Variants in ARHGEF7 observed in about 807,000 individuals in gnomAD.
The protein encoded by ARHGEF7 is PAK-interacting exchange factor beta.
A neutral mutation model predicts 109.8 loss-of-function variants in ARHGEF7; 33 were observed. The ratio of observed to expected loss-of-function variants is 0.30; its 90% CI spans 0.23 to 0.40. The LOEUF (loss-of-function observed/expected upper bound fraction) is 0.40. Ranked by LOEUF, ARHGEF7 falls within the 10% of genes least tolerant of loss-of-function variation. The pLI is 1.00. For synonymous variants in ARHGEF7, 458 were observed against 424.6 expected (o/e 1.08, Z -0.97); for missense variants, 938 against 1,098.5 (o/e 0.85, Z 2.07).
In ARHGEF7 at chr13:111,239,846, G is replaced by C. The variant is rs1037271800; in HGVS notation, c.760-4026G>C. 6.6e-6 allele frequency among the ~76,000 whole-genome samples: 1 copy of C among 152,096 alleles called. No homozygotes were observed. The highest frequency in any genetic ancestry group is 1.5e-5 in the Non-Finnish European group (1 of 68,018). ...ACTAGTGGAATGCTGACACGGAGAGGAGCTCAGTGTTTGGGAGGATTGAGT... is the reference window on the plus strand; with the variant it reads ...ACTAGTGGAATGCTGACACGGAGAGCAGCTCAGTGTTTGGGAGGATTGAGT... On this transcript the variant is annotated intron_variant, in intron 6 of 21. Coordinates refer to ENST00000646102, the MANE Select transcript of ARHGEF7 (RefSeq NM_001354046.2). The surrounding 1 kb of genome is among the most constrained non-coding windows in gnomAD (Gnocchi z 4.3).
intron 1 of ARHGEF7, among the ~76,000 whole-genome samples, chr13:111,126,438 C>G (rs889067496): frequency 6.6e-6 from 1 of 150,500 alleles, no homozygotes; most frequent in East Asian, 2.0e-4. Context: ...TGCAGTGAGC[C>G]GAGATCGTGC....
intron 3 of ARHGEF7, among the ~76,000 whole-genome samples, 198 bp downstream of exon 3, chr13:111,205,571 T>G (rs2081727177): frequency 1.3e-5 from 2 of 152,226 alleles, no homozygotes; most frequent in Non-Finnish European, 2.9e-5. Context: ...AATGTTCTGG[T>G]ATATATCAGG....
rs1359536572 is a variant in ARHGEF7, at chr13:111,292,671, A to G, written c.2311+377A>G. ...GATACAGCTGTATGAACACTTTTCT[A>G]TTTTATACTGAAATCACACAGGTTT... On this transcript the variant is annotated intron_variant, in intron 19 of 21. Transcript: ENST00000646102. 1.4e-5 allele frequency: 15 copies of G among 1,074,990 alleles called. No homozygotes were observed. In the East Asian group the frequency reaches 2.9e-4, roughly 21 times the overall value. 66.6% of individuals were successfully genotyped at this position (1,074,990 alleles called of 1,614,324 possible). A position where few individuals can be genotyped will look rare whatever the true frequency, so the allele number is the denominator to read the frequency against.
chr13:111,182,645 A>G (rs2153431887), intron 2 of ARHGEF7: 1 of 152,382 alleles, frequency 6.6e-6, no homozygotes, highest in Admixed American at 6.5e-5. Flanking sequence ...CCCACCTTCC[A>G]TCTCAGCGTG....
At chr13:111,195,203 C>T (rs1337743621) in intron 2 of ARHGEF7, among the ~76,000 whole-genome samples, 1 of 152,162 alleles carries the variant, frequency 6.6e-6, no homozygotes, top group Non-Finnish European at 1.5e-5. Flanking sequence ...GCATTTTTTG[C>T]CCTTCCAGAT....
intron 4 of ARHGEF7, among the ~76,000 whole-genome samples, chr13:111,210,341 T>G (rs1474621100): frequency 2.0e-5 from 3 of 152,098 alleles, no homozygotes; most frequent in East Asian, 3.9e-4. Context: ...ATATTGAGAA[T>G]AAGAAATATG....
At chr13:111,276,765 A>G (rs1489496662) in intron 12 of ARHGEF7, among the ~76,000 whole-genome samples, 1 of 152,222 alleles carries the variant, frequency 6.6e-6, no homozygotes, top group Non-Finnish European at 1.5e-5. Flanking sequence ...TCTTTTCTCA[A>G]GGTGCTTTGC....
chr13:111,121,890 T>C (rs2067225293), intron 1 of ARHGEF7, among the ~76,000 whole-genome samples: 1 of 152,230 alleles, frequency 6.6e-6, no homozygotes, highest in Non-Finnish European at 1.5e-5. Flanking sequence ...AGTGAGGTCA[T>C]TACCAGGGTA....
chr13:111,125,975 A>G (rs1220356847), intron 1 of ARHGEF7, among the ~76,000 whole-genome samples: 1 of 152,186 alleles, frequency 6.6e-6, no homozygotes, highest in East Asian at 1.9e-4. Flanking sequence ...CCTCAGGAAG[A>G]GGGAGAGCCT....
chr13:111,248,254 A>G (rs1023849596), intron 8 of ARHGEF7, among the ~76,000 whole-genome samples: 2 of 151,852 alleles, frequency 1.3e-5, no homozygotes, highest in East Asian at 3.9e-4. Flanking sequence ...TGTTGATTGT[A>G]TCTGATGATG....
chr13:111,300,939 T>A, intron 20 of ARHGEF7, 92 bp downstream of exon 20: 1 of 711,010 alleles, frequency 1.4e-6, no homozygotes, highest in Non-Finnish European at 2.3e-6. Context: ...GGGGTATGGC[T>A]TCAGAAGCTT....
chr13:111,159,195 T>A, intron 2 of ARHGEF7: 3 of 651,558 alleles, frequency 4.6e-6, no homozygotes, highest in Non-Finnish European at 8.4e-6. Flanking sequence ...TCATTCATTG[T>A]TGTTGCAAAT....
chr13:111,118,966 C>G (rs2153311466), intron 1 of ARHGEF7, among the ~76,000 whole-genome samples: 1 of 152,196 alleles, frequency 6.6e-6, no homozygotes, highest in Middle Eastern at 3.4e-3. Flanking sequence ...TGCCTCGGGT[C>G]TTAGTGCTGG....
intron 10 of ARHGEF7, 144 bp downstream of exon 10, chr13:111,274,096 GTT>G: frequency 9.6e-7 from 1 of 1,045,530 alleles, no homozygotes; most frequent in Non-Finnish European, 1.3e-6. Context: ...TAAATATTAT[GTT>G]TTTCTCCTTA....
intron 2 of ARHGEF7, among the ~76,000 whole-genome samples, chr13:111,176,860 G>A (rs776797680): frequency 2.0e-5 from 3 of 152,152 alleles, no homozygotes; most frequent in Non-Finnish European, 1.5e-5. Flanking sequence ...GGATTCAAGC[G>A]ATTCTCCTGC....
chr13:111,302,891 T>C lies in ARHGEF7; in HGVS notation c.2467-100T>C, dbSNP rs530232461. The C allele has an allele frequency of 1.1e-5, 16 of 1,475,722 alleles. No homozygotes were observed. The Admixed American group carries it at 2.8e-4, about 25-fold the overall frequency. 91.4% of individuals were successfully genotyped at this position (1,475,722 alleles called of 1,614,324 possible). ...CATAGGCAGCTCACGTGGGATTTCA[T>C]GAATCGAGGCCTTAGCTCCTCAAGG... On this transcript the variant is annotated intron_variant, in intron 21 of 21. Transcript: ENST00000646102.
At chr13:111,170,835 A>G (rs980072727) in intron 2 of ARHGEF7, among the ~76,000 whole-genome samples, 12 of 152,222 alleles carry the variant, frequency 7.9e-5, no homozygotes, top group African/African-American at 2.9e-4. Context: ...TACTTGGGAC[A>G]AGAAGTTTGA....
intron 17 of ARHGEF7, 49 bp from the exon 18 acceptor site, chr13:111,288,305 C>T: frequency 7.4e-7 from 1 of 1,359,358 alleles, no homozygotes; most frequent in Non-Finnish European, 1.0e-6. Context: ...CGCCAGTTGC[C>T]CTAGAGGCCT....
Position 111,303,224 on chromosome 13 carries a change from A to G in ARHGEF7, c.*111A>G. On this transcript the variant is annotated 3_prime_UTR_variant, in exon 22 of 22. Transcript: ENST00000646102. ...ACAGGGCAGGGCTGGGTGGGGCGCC[A>G]CCTTGCTCTCTGTATATAGAAAAGC... 3.0e-6 allele frequency: 3 copies of G among 990,772 alleles called. No individual in the cohort carries two copies. The South Asian group carries it at 5.2e-5, about 17-fold the overall frequency. 61.4% of individuals were successfully genotyped at this position (990,772 alleles called of 1,614,324 possible). A position where few individuals can be genotyped will look rare whatever the true frequency, so the allele number is the denominator to read the frequency against.
Sources: gnomAD v4.1 joint callset for allele counts (sites outside exome capture counted in the v4.1 genomes callset) on GRCh38, gnomAD v4.1.1 for gene constraint, Gnocchi (gnomAD v3.1) non-coding constraint, MANE v1.5 for transcripts, NCBI Gene and HGNC (gene_info 2026-07-23, HGNC 2026-07-21) for gene names.